SPATA17: variants seen among roughly 807,000 people sequenced by gnomAD.
The protein encoded by SPATA17 is spermatogenesis-associated protein 17.
SPATA17 carries 53 observed loss-of-function variants against 62.2 expected under a neutral mutation model. That is an observed-to-expected ratio of 0.85 (90% CI 0.68 to 1.07). SPATA17 has a LOEUF of 1.07. Among genes scored for constraint, SPATA17 ranks in the 50% least tolerant of loss-of-function variants. The probability of loss-of-function intolerance (pLI) is 0.00; values close to 1 mark genes in which losing one functional copy is unlikely to be tolerated. For synonymous variants in SPATA17, 146 were observed against 146.8 expected, an observed-to-expected ratio of 0.99 and a Z score of 0.04; for missense variants, 466 against 425.5, an observed-to-expected ratio of 1.10 and a Z score of -0.84.
chr1:217,811,320 A>G (rs542629470), intron 9 of SPATA17, among the ~76,000 whole-genome samples: 13 of 152,208 alleles, frequency 8.5e-5, no homozygotes, highest in African/African-American at 2.4e-4. Context: ...GAGCCACCAC[A>G]CCCAGAGATT....
At chr1:217,771,838 G>A (rs1184207003) in intron 6 of SPATA17, among the ~76,000 whole-genome samples, 4 of 18,528 alleles carry the variant, frequency 2.2e-4, no homozygotes, top group African/African-American at 4.3e-4. Context: ...ACACGTGCAT[G>A]CAAATGTGCA....
intron 6 of SPATA17, among the ~76,000 whole-genome samples, chr1:217,766,091 T>TC (rs1161328561): frequency 6.6e-6 from 1 of 151,958 alleles, no homozygotes; most frequent in Non-Finnish European, 1.5e-5. Flanking sequence ...TATAATTGGG[T>TC]CTTCTTTTTT....
At chr1:217,734,680 T>C (rs2102943465) in intron 5 of SPATA17, among the ~76,000 whole-genome samples, 1 of 152,376 alleles carries the variant, frequency 6.6e-6, no homozygotes, top group South Asian at 2.1e-4. Context: ...TGTAGTATTT[T>C]TTATTAGCAG....
chr1:217,853,282 G>A (rs1675706090), intron 9 of SPATA17, among the ~76,000 whole-genome samples: 1 of 151,982 alleles, frequency 6.6e-6, no homozygotes, highest in Admixed American at 6.6e-5. Context: ...TTATGTCAGT[G>A]AAATTACACT....
At chr1:217,842,303 C>T (rs1292717261) in intron 9 of SPATA17, among the ~76,000 whole-genome samples, 1 of 151,896 alleles carries the variant, frequency 6.6e-6, no homozygotes, top group African/African-American at 2.4e-5. Flanking sequence ...GTTTTAGTAT[C>T]GAGATTATGC....
At chr1:217,761,560 A>G (rs970965896) in intron 6 of SPATA17, among the ~76,000 whole-genome samples, 3 of 152,188 alleles carry the variant, frequency 2.0e-5, no homozygotes, top group Admixed American at 6.5e-5. Flanking sequence ...CAAATGGAAG[A>G]GCAGGAATCA....
chr1:217,794,679 A>G (rs1365468452), intron 8 of SPATA17, among the ~76,000 whole-genome samples: 2 of 152,228 alleles, frequency 1.3e-5, no homozygotes. Context: ...TGACATGGCA[A>G]CAATTGATTA....
At chr1:217,822,367 ATG>A (rs1491073480) in intron 9 of SPATA17, among the ~76,000 whole-genome samples, 2 of 150,328 alleles carry the variant, frequency 1.3e-5, no homozygotes, top group Admixed American at 6.7e-5. Context: ...TCTAAAAGAC[ATG>A]TTTTTTTATA....
chr1:217,758,668 G>C (rs760635978), intron 6 of SPATA17, among the ~76,000 whole-genome samples: 6 of 152,182 alleles, frequency 3.9e-5, no homozygotes, highest in Non-Finnish European at 7.3e-5. Flanking sequence ...ATTGATGTTA[G>C]AGCCTTGCGT....
chr1:217,834,034 C>T (rs1055990513), intron 9 of SPATA17, among the ~76,000 whole-genome samples: 7 of 152,028 alleles, frequency 4.6e-5, no homozygotes, highest in East Asian at 3.9e-4. Context: ...TATTGTCACC[C>T]GCCACATAAT....
intron 4 of SPATA17, among the ~76,000 whole-genome samples, chr1:217,673,533 C>T (rs1476159519): frequency 1.3e-5 from 2 of 151,974 alleles, no homozygotes; most frequent in East Asian, 3.9e-4. Flanking sequence ...TAAATTTGGC[C>T]CCCAACTTTT....
intron 4 of SPATA17, among the ~76,000 whole-genome samples, chr1:217,670,223 T>A (rs933733198): frequency 6.6e-6 from 1 of 152,184 alleles, no homozygotes; most frequent in South Asian, 2.1e-4. Context: ...TCTTACTTCA[T>A]GTCAGATGTA....
chr1:217,786,565 G>A (rs1295483995), intron 8 of SPATA17, among the ~76,000 whole-genome samples: 1 of 152,100 alleles, frequency 6.6e-6, no homozygotes, highest in South Asian at 2.1e-4. Flanking sequence ...TTATCCTATA[G>A]GTAATGGAAA....
At chr1:217,745,778 A>AT (rs1672732711) in intron 6 of SPATA17, among the ~76,000 whole-genome samples, 1 of 152,000 alleles carries the variant, frequency 6.6e-6, no homozygotes, top group Non-Finnish European at 1.5e-5. Context: ...TCTAATGTCA[A>AT]TTTTTTTGTA....
chr1:217,648,732 C>T (rs535990557), intron 1 of SPATA17, 150 bp from the exon 2 acceptor site: 2 of 424,652 alleles, frequency 4.7e-6, no homozygotes, highest in South Asian at 1.5e-4. Context: ...TTTGAAATGC[C>T]TTATTTATTT....
chr1:217,806,207 A>G (rs1403205008), intron 9 of SPATA17, among the ~76,000 whole-genome samples: 1 of 152,202 alleles, frequency 6.6e-6, no homozygotes, highest in Non-Finnish European at 1.5e-5. Flanking sequence ...TTTTGGTTCA[A>G]TATTTTGCTC....
At chr1:217,779,647 C>CA (rs938157508) in intron 7 of SPATA17, among the ~76,000 whole-genome samples, 1 of 150,274 alleles carries the variant, frequency 6.7e-6, no homozygotes, top group African/African-American at 2.4e-5. Context: ...TTTTTTTTCC[C>CA]AAAATGGGAT....
At chr1:217,653,901 A>C (rs1048959646) in intron 3 of SPATA17, among the ~76,000 whole-genome samples, 3 of 152,168 alleles carry the variant, frequency 2.0e-5, no homozygotes, top group Non-Finnish European at 4.4e-5. Context: ...TTCTATCCAA[A>C]CTTAATTTAT....
intron 9 of SPATA17, among the ~76,000 whole-genome samples, chr1:217,838,725 G>A (rs1016795710): frequency 6.6e-6 from 1 of 152,000 alleles, no homozygotes; most frequent in African/African-American, 2.4e-5. Flanking sequence ...ATAAATTTAT[G>A]TTGTGAAAAA....
Sources: allele counts gnomAD v4.1 joint callset (sites outside exome capture counted in the v4.1 genomes callset), GRCh38; gene constraint gnomAD v4.1.1; transcripts MANE v1.5; gene names NCBI Gene and HGNC (gene_info 2026-07-23, HGNC 2026-07-21).